LMF1: variants seen among roughly 807,000 people sequenced by gnomAD.
The protein encoded by LMF1 is transmembrane protein 112.
A neutral mutation model predicts 60.6 loss-of-function variants in LMF1; 68 were observed. That is an observed-to-expected ratio of 1.12 (90% confidence interval 0.92 to 1.37). The LOEUF (loss-of-function observed/expected upper bound fraction) is 1.37. LMF1 is among the 40% of genes most tolerant of loss of function. The pLI, the probability that LMF1 is intolerant of heterozygous loss-of-function variation, is 0.00. For synonymous variants in LMF1, 418 were observed against 324.7 expected (o/e 1.29, Z -3.09); for missense variants, 948 against 767.2 (o/e 1.24, Z -2.78).
At chr16:894,892 G>A (rs929779078) in intron 4 of LMF1, among the ~76,000 whole-genome samples, 4 of 152,216 alleles carry the variant, frequency 2.6e-5, no homozygotes, top group South Asian at 2.1e-4. Context: ...CGGGGAACAC[G>A]ATCTGTTCAC....
At chr16:940,957 GC>G (rs1465132759) in intron 2 of LMF1, among the ~76,000 whole-genome samples, 1 of 152,066 alleles carries the variant, frequency 6.6e-6, no homozygotes, top group Admixed American at 6.5e-5. Flanking sequence ...TGCAATTTTT[GC>G]TTCATATATT....
chr16:948,708 A>ACGACAGAGTCAGC (rs2072326795), intron 2 of LMF1, among the ~76,000 whole-genome samples: 1 of 72,216 alleles, frequency 1.4e-5, no homozygotes, highest in African/African-American at 8.3e-5. Context: ...AGAATCAGAG[A>ACGACAGAGTCAGC]CAACGACAGA....
intron 6 of LMF1, chr16:872,892 T>G (rs2069843528): frequency 6.6e-6 from 1 of 152,210 alleles, no homozygotes. Flanking sequence ...ATCAGGAGCT[T>G]TGAGGAACAC....
At chr16:974,039 CA>C (rs757391132), upstream of LMF1, among the ~76,000 whole-genome samples, 1 of 150,088 alleles carries the variant, frequency 6.7e-6, no homozygotes, top group Non-Finnish European at 1.5e-5. Flanking sequence ...AAAATGAAAA[CA>C]AAAGACAACA....
intron 3 of LMF1, among the ~76,000 whole-genome samples, chr16:916,718 C>T (rs1292096667): frequency 6.6e-6 from 1 of 152,230 alleles, no homozygotes; most frequent in Non-Finnish European, 1.5e-5. Flanking sequence ...GGGAAAACAT[C>T]TTTTGTGACC....
chr16:945,228 A>AAAAAAAAAAC (rs2072209116), intron 2 of LMF1, among the ~76,000 whole-genome samples: 15 of 147,682 alleles, frequency 1.0e-4, no homozygotes, highest in Admixed American at 4.1e-4. Context: ...AAAAAAAAAA[A>AAAAAAAAAAC]GGAAAATATT....
intron 6 of LMF1, among the ~76,000 whole-genome samples, chr16:877,600 T>C (rs1341300826): frequency 6.6e-6 from 1 of 152,194 alleles, no homozygotes; most frequent in Non-Finnish European, 1.5e-5. Context: ...CATCCATTCA[T>C]GGCTAAAAAC....
intron 4 of LMF1, among the ~76,000 whole-genome samples, chr16:906,641 C>T (rs1158106007): frequency 6.6e-6 from 1 of 152,116 alleles, no homozygotes; most frequent in Non-Finnish European, 1.5e-5. Context: ...TATATTTCTC[C>T]TGTTAGTTCT....
chr16:911,115 G>A (rs1394014800), intron 3 of LMF1, 36 bp from the exon 4 acceptor site: 64 of 1,596,234 alleles, frequency 4.0e-5, no homozygotes, highest in Non-Finnish European at 5.5e-5. Flanking sequence ...TGAGTTAATG[G>A]AAGCCACACA....
At position 944,411 on chromosome 16, in the gene LMF1, G is replaced by T. The variant is rs572175204; in HGVS notation, c.503+9946C>A. ...AGCTCCTTTACTCTAATGCCTTGCC[G>T]CACAAATGCAAGCTGCCCTCAACTC... On this transcript the variant is annotated intron_variant, in intron 2 of 10. Coordinates refer to ENST00000262301, the MANE Select transcript of LMF1 (RefSeq NM_022773.4). Among the ~76,000 whole-genome samples the T allele has an allele frequency of 7.2e-5, 11 of 152,334 alleles. No homozygotes were observed. In the East Asian group the frequency reaches 2.1e-3, roughly 29 times the overall value.
At chr16:931,797 C>A in intron 3 of LMF1, 1 of 1,285,426 alleles carries the variant, frequency 7.8e-7, no homozygotes, top group Admixed American at 2.3e-5. Context: ...TGAGCCGCTG[C>A]AGGGTCAGAC....
At chr16:899,987 G>A (rs2070765387) in intron 4 of LMF1, 3 of 152,238 alleles carry the variant, frequency 2.0e-5, no homozygotes, top group African/African-American at 7.2e-5. Flanking sequence ...AAGGTGAGCA[G>A]GTCTGGGTGT....
At chr16:879,909 G>A (rs1209852548) in intron 5 of LMF1, among the ~76,000 whole-genome samples, 172 bp from the exon 6 acceptor site, 1 of 152,228 alleles carries the variant, frequency 6.6e-6, no homozygotes, top group Non-Finnish European at 1.5e-5. Flanking sequence ...GAGGGGCCAA[G>A]AGACATTCAG....
chr16:860,629 C>CGCTT (rs2069434166), intron 10 of LMF1, among the ~76,000 whole-genome samples: 1 of 152,184 alleles, frequency 6.6e-6, no homozygotes, highest in South Asian at 2.1e-4. Flanking sequence ...ATGTGGGCCA[C>CGCTT]CATGCCTGGC....
chr16:940,447 CTCCCCGCAGG>C (rs2072071160), intron 2 of LMF1, among the ~76,000 whole-genome samples: 1 of 152,026 alleles, frequency 6.6e-6, no homozygotes, highest in East Asian at 1.9e-4. Context: ...TGGGAGGGTC[CTCCCCGCAGG>C]CAGCGTCCTG....
chr16:931,210 G>C (rs1389037211), intron 3 of LMF1, among the ~76,000 whole-genome samples: 1 of 152,216 alleles, frequency 6.6e-6, no homozygotes, highest in African/African-American at 2.4e-5. Context: ...CGCAACCAAG[G>C]ACTGGAGCTT....
intron 10 of LMF1, among the ~76,000 whole-genome samples, chr16:856,382 G>C (rs1255754896): frequency 6.6e-6 from 1 of 152,202 alleles, no homozygotes; most frequent in East Asian, 1.9e-4. Flanking sequence ...GAATGCGGCC[G>C]TGAGGGCGCT....
intron 1 of LMF1, chr16:968,948 A>G (rs1045906651): frequency 1.3e-5 from 2 of 152,170 alleles, no homozygotes; most frequent in African/African-American, 2.4e-5. Context: ...TCTCTACTTC[A>G]TCGTTTGCTA....
In LMF1 at chr16:970,835, A is replaced by C. The variant is rs1460583497; in HGVS notation, c.146T>G (p.Phe49Cys). 1 of 1,550,886 alleles carries C rather than the reference A, an allele frequency of 6.4e-7. No homozygotes were observed. The highest frequency in any genetic ancestry group is 1.9e-5 in the Admixed American group (1 of 51,500). Residue 49 changes from phenylalanine (F) to cysteine (C), a missense_variant, in exon 1 of 11, where the codon TTC becomes TGC. Coordinates refer to ENST00000262301, the MANE Select transcript of LMF1 (RefSeq NM_022773.4). ...GSPAHLHTGT[F>C]WLTRIVLLKA... ...CAGGAGCACGATCCGGGTCAGCCAGAAGGTGCCCGTGTGGAGATGGGCCGG... is the reference window on the plus strand; with the variant it reads ...CAGGAGCACGATCCGGGTCAGCCAGCAGGTGCCCGTGTGGAGATGGGCCGG...
Sources: allele counts gnomAD v4.1 joint callset (sites outside exome capture counted in the v4.1 genomes callset), GRCh38; gene constraint gnomAD v4.1.1; transcripts MANE v1.5; gene names NCBI Gene and HGNC (gene_info 2026-07-23, HGNC 2026-07-21).